Variants in ASAH2 observed in about 807,000 individuals in gnomAD.
ASAH2 encodes N-acylsphingosine amidohydrolase 2.
Under a neutral mutation model 82.9 loss-of-function variants are expected in ASAH2, and 58 were observed. That is an observed-to-expected ratio of 0.70 (90% CI 0.57 to 0.87). ASAH2 has a LOEUF of 0.87. Ranked by LOEUF, ASAH2 falls within the 40% of genes least tolerant of loss-of-function variation. The pLI is 0.00. For missense variants in ASAH2, 779 were observed against 834.0 expected, an observed-to-expected ratio of 0.93 and a Z score of 0.81; for synonymous variants, 276 against 289.7, an observed-to-expected ratio of 0.95 and a Z score of 0.48.
chr10:50,212,930 C>A, intron 10 of ASAH2, 42 bp downstream of exon 10: 1 of 1,560,794 alleles, frequency 6.4e-7, no homozygotes, highest in East Asian at 2.2e-5. Flanking sequence ...TTTTAAAGGA[C>A]AATTTTAAAC....
intron 7 of ASAH2, among the ~76,000 whole-genome samples, chr10:50,218,975 A>T (rs1845678570): frequency 6.6e-6 from 1 of 152,192 alleles, no homozygotes; most frequent in Non-Finnish European, 1.5e-5. Flanking sequence ...GTAATTATTC[A>T]AATTTATCCA....
chr10:50,210,347 A>G (rs1845418990), intron 12 of ASAH2, among the ~76,000 whole-genome samples: 1 of 152,018 alleles, frequency 6.6e-6, no homozygotes, highest in Admixed American at 6.6e-5. Context: ...TAAAAATACA[A>G]AAATTAGCCA....
intron 5 of ASAH2, 34 bp from the exon 6 acceptor site, chr10:50,234,586 T>C (rs1384370409): frequency 6.2e-7 from 1 of 1,612,228 alleles, no homozygotes; most frequent in Non-Finnish European, 8.5e-7. Context: ...TGTTATAAGC[T>C]TAGAAATCCT....
chr10:50,221,825 GGTTAAC>G (rs977176697), intron 7 of ASAH2, among the ~76,000 whole-genome samples: 3 of 152,060 alleles, frequency 2.0e-5, no homozygotes, highest in Non-Finnish European at 4.4e-5. Context: ...CTACACATTT[GGTTAAC>G]TTTGACTCTG....
rs763608304 is a variant in ASAH2, at chr10:50,245,432, T to G, written c.150A>C (p.Ser50=). 1.6e-5 allele frequency: 26 copies of G among 1,612,636 alleles called. No homozygotes were observed. Among genetic ancestry groups the G allele is most frequent in the Non-Finnish European group, 2.1e-5 (25 of 1,179,560 alleles). Residue 50 remains serine, a synonymous_variant, in exon 3 of 21, where the codon TCA becomes TCC. Transcript: ENST00000682911. ...NHKDLGGHFF[S]TTQSPPATQG... ...GGGTGGCTGGAGGGCTTTGGGTGGT[T>G]GAAAAAAAATGGCCTCCTAAATCTA...
chr10:50,225,849 G>A (rs1426558082), intron 7 of ASAH2, among the ~76,000 whole-genome samples: 1 of 152,126 alleles, frequency 6.6e-6, no homozygotes, highest in African/African-American at 2.4e-5. Context: ...TCAATACTTT[G>A]GGAGGCCGAG....
chr10:50,227,771 T>C (rs1361015315), intron 7 of ASAH2, among the ~76,000 whole-genome samples: 2 of 152,158 alleles, frequency 1.3e-5, no homozygotes, highest in Non-Finnish European at 2.9e-5. Flanking sequence ...CAATTTAAAC[T>C]ACACTAGGCT....
At chr10:50,231,213 C>G (rs1846014700) in intron 7 of ASAH2, among the ~76,000 whole-genome samples, 3 of 152,080 alleles carry the variant, frequency 2.0e-5, no homozygotes, top group Admixed American at 1.3e-4. Flanking sequence ...TCCTGCCCTT[C>G]TTGTAATTGA....
intron 7 of ASAH2, among the ~76,000 whole-genome samples, chr10:50,224,401 A>C (rs1384274786): frequency 6.6e-6 from 1 of 152,062 alleles, no homozygotes; most frequent in African/African-American, 2.4e-5. Context: ...AAATATATAT[A>C]TGATTTGTAA....
chr10:50,230,765 G>T (rs1388071040), intron 7 of ASAH2, among the ~76,000 whole-genome samples: 2 of 152,100 alleles, frequency 1.3e-5, no homozygotes, highest in Non-Finnish European at 2.9e-5. Flanking sequence ...AAACTGGCCA[G>T]GTGCAGTAGC....
intron 8 of ASAH2, among the ~76,000 whole-genome samples, chr10:50,216,863 A>G (rs1249719954): frequency 6.6e-6 from 1 of 152,250 alleles, no homozygotes; most frequent in Non-Finnish European, 1.5e-5. Flanking sequence ...GTGATCATAA[A>G]TAGAAAACTC....
In ASAH2 at chr10:50,248,474, T is replaced by A; in HGVS notation, c.127+10A>T. The A allele has an allele frequency of 1.9e-6, 3 of 1,613,232 alleles. No homozygotes were observed. The highest frequency in any genetic ancestry group is 2.5e-6 in the Non-Finnish European group (3 of 1,179,550). The stretch of plus-strand genomic sequence containing the variant: ...TAAAAATTGCATCTAAGAGAGCCCA[T>A]GACACTTGCCTTTGTGGTTTTCAAT... On this transcript the variant is annotated intron_variant, in intron 2 of 20. Transcript: ENST00000682911.
At chr10:50,207,678 AT>A in intron 12 of ASAH2, among the ~76,000 whole-genome samples, 1 of 151,798 alleles carries the variant, frequency 6.6e-6, no homozygotes, top group African/African-American at 2.4e-5. Context: ...TTCATAACAC[AT>A]TTTTAACTAC....
intron 14 of ASAH2, 64 bp from the exon 15 acceptor site, chr10:50,203,743 AC>A: frequency 6.7e-7 from 1 of 1,483,690 alleles, no homozygotes; most frequent in Non-Finnish European, 9.4e-7. Context: ...ACACAGAAAC[AC>A]TGGCAGTGAA....
At chr10:50,223,649 A>T (rs1845803100) in intron 7 of ASAH2, among the ~76,000 whole-genome samples, 1 of 152,212 alleles carries the variant, frequency 6.6e-6, no homozygotes, top group East Asian at 1.9e-4. Flanking sequence ...TCAAAAATGC[A>T]TGCTCATCTG....
intron 5 of ASAH2, among the ~76,000 whole-genome samples, chr10:50,235,252 G>A (rs1846127633): frequency 6.6e-6 from 1 of 152,030 alleles, no homozygotes. Flanking sequence ...TCTGAATTTT[G>A]GGGGTGACAT....
chr10:50,237,320 C>G (rs1201029660), intron 4 of ASAH2, among the ~76,000 whole-genome samples: 4 of 152,272 alleles, frequency 2.6e-5, no homozygotes, highest in Non-Finnish European at 5.9e-5. Context: ...ATCCTGTCAG[C>G]ACTAACTTGC....
chr10:50,235,739 A>C, intron 5 of ASAH2, 149 bp downstream of exon 5: 1 of 845,016 alleles, frequency 1.2e-6, no homozygotes, highest in Non-Finnish European at 1.9e-6. Context: ...CAAGAAGCTA[A>C]GATAGAGTCA....
Position 50,218,635 on chromosome 10 carries a change from A to G in ASAH2, c.894-5T>C, listed in dbSNP as rs1375863470. The G allele has an allele frequency of 1.9e-6, 3 of 1,613,680 alleles. No homozygotes were observed. The highest frequency in any genetic ancestry group is 2.5e-6 in the Non-Finnish European group (3 of 1,179,718). ...ACCGGGTGGATGGCAAACCAGCTGTAAAAGAGCAAGAAGCTCTAAATTAAT... is the reference window on the plus strand; with the variant it reads ...ACCGGGTGGATGGCAAACCAGCTGTGAAAGAGCAAGAAGCTCTAAATTAAT... On this transcript the variant is annotated splice_region_variant and splice_polypyrimidine_tract_variant and intron_variant, in intron 7 of 20. Transcript: ENST00000682911.
Sources: gnomAD v4.1 joint callset for allele counts (sites outside exome capture counted in the v4.1 genomes callset) on GRCh38, gnomAD v4.1.1 for gene constraint, MANE v1.5 for transcripts, NCBI Gene and HGNC (gene_info 2026-07-23, HGNC 2026-07-21) for gene names.